CNTNAP5: variants seen among roughly 807,000 people sequenced by gnomAD.
The protein encoded by CNTNAP5 is contactin-associated protein-like 5.
Under a neutral mutation model 150.2 loss-of-function variants are expected in CNTNAP5, and 72 were observed. The ratio of observed to expected loss-of-function variants is 0.48; its 90% confidence interval spans 0.40 to 0.58. CNTNAP5 has a LOEUF of 0.58. Ranked by LOEUF, CNTNAP5 falls within the 20% of genes least tolerant of loss-of-function variation. CNTNAP5 has a pLI of 0.00. For synonymous variants in CNTNAP5, 672 were observed against 619.8 expected (o/e 1.08, Z -1.25); for missense variants, 1,636 against 1,626.2 (o/e 1.01, Z -0.10).
chr2:124,061,542 G>T (rs1458517016), intron 1 of CNTNAP5, among the ~76,000 whole-genome samples: 3 of 152,126 alleles, frequency 2.0e-5, no homozygotes, highest in African/African-American at 7.2e-5. Flanking sequence ...AGAAGACCAT[G>T]GGGAGGACAT....
rs2104771408 is a variant in CNTNAP5, at chr2:124,914,138, C to G, written c.3774C>G (p.Ile1258Met). 6.2e-7 allele frequency: 1 copy of G among 1,612,638 alleles called. No individual in the cohort carries two copies. The highest frequency in any genetic ancestry group is 1.1e-5 in the South Asian group (1 of 91,042). Residue 1258 changes from isoleucine to methionine, a missense_variant, in exon 24 of 24, where the codon ATC becomes ATG. Ile to Met is a conservative substitution (Grantham distance 10). Coordinates refer to ENST00000682447, the MANE Select transcript of CNTNAP5 (RefSeq NM_001367498.1). ...TCATCATCTTCTGTATCATCGGCAT[C>G]ATGACCCGGTTCCTCTACCAGCACA... ...VIFIIFCIIG[I>M]MTRFLYQHKQ...
chr2:124,660,440 T>C (rs1443133409), intron 13 of CNTNAP5, among the ~76,000 whole-genome samples: 1 of 152,182 alleles, frequency 6.6e-6, no homozygotes, highest in African/African-American at 2.4e-5. Context: ...AATGAAAATA[T>C]AGCACAAGCC....
chr2:124,786,352 G>GAAGAAAGAGAGA (rs1681572831), intron 17 of CNTNAP5, among the ~76,000 whole-genome samples: 1 of 59,156 alleles, frequency 1.7e-5, no homozygotes, highest in African/African-American at 7.3e-5. Flanking sequence ...AGAAAGAAAG[G>GAAGAAAGAGAGA]AAGAAAGAAA....
At chr2:124,581,870 C>T (rs1347060219) in intron 11 of CNTNAP5, among the ~76,000 whole-genome samples, 7 of 152,150 alleles carry the variant, frequency 4.6e-5, no homozygotes, top group Non-Finnish European at 2.9e-5. Flanking sequence ...TCTCCAAAAG[C>T]GGCCGTCATA....
intron 10 of CNTNAP5, among the ~76,000 whole-genome samples, chr2:124,529,163 G>A (rs568168811): frequency 4.0e-5 from 6 of 151,842 alleles, no homozygotes; most frequent in Admixed American, 2.0e-4. Context: ...TATTGCAGGC[G>A]ATGGTTGGCA....
At chr2:124,230,207 G>A (rs1686580502) in intron 2 of CNTNAP5, among the ~76,000 whole-genome samples, 1 of 152,072 alleles carries the variant, frequency 6.6e-6, no homozygotes, top group Non-Finnish European at 1.5e-5. Flanking sequence ...AATTGCTAAG[G>A]ACCCTAAAGG....
At chr2:124,509,376 CT>C (rs995422753) in intron 8 of CNTNAP5, among the ~76,000 whole-genome samples, 9 of 150,896 alleles carry the variant, frequency 6.0e-5, no homozygotes, top group Admixed American at 3.3e-4. Flanking sequence ...TTGTCATCTC[CT>C]TTTTTTTTGC....
chr2:124,836,476 A>G (rs1227301639), intron 19 of CNTNAP5, among the ~76,000 whole-genome samples: 1 of 152,080 alleles, frequency 6.6e-6, no homozygotes, highest in East Asian at 1.9e-4. Flanking sequence ...GGAATTGGGA[A>G]TGGTGATTTG....
chr2:124,089,083 A>G (rs540385044), intron 1 of CNTNAP5, among the ~76,000 whole-genome samples: 1 of 152,278 alleles, frequency 6.6e-6, no homozygotes, highest in South Asian at 2.1e-4. Context: ...AATGAGGGAA[A>G]AACAAAACTC....
At chr2:124,294,454 A>G (rs574267712) in intron 3 of CNTNAP5, among the ~76,000 whole-genome samples, 1 of 152,292 alleles carries the variant, frequency 6.6e-6, no homozygotes, top group African/African-American at 2.4e-5. Flanking sequence ...TGGTCTATAG[A>G]GTCCAGCCAT....
At chr2:124,458,495 C>T (rs1315723528) in intron 6 of CNTNAP5, among the ~76,000 whole-genome samples, 1 of 151,370 alleles carries the variant, frequency 6.6e-6, no homozygotes, top group Non-Finnish European at 1.5e-5. Context: ...GGGAAAGACA[C>T]CGTGGACTTT....
intron 11 of CNTNAP5, among the ~76,000 whole-genome samples, chr2:124,603,536 C>T (rs1357160937): frequency 1.3e-5 from 2 of 152,302 alleles, no homozygotes; most frequent in East Asian, 3.9e-4. Flanking sequence ...CTGGGCATTA[C>T]TAAAGGATGA....
At chr2:124,510,477 GTATATATATATA>G (rs70996072) in intron 8 of CNTNAP5, among the ~76,000 whole-genome samples, 55,730 of 103,068 alleles carry the variant, frequency 0.54, 13,686 homozygotes, top group Admixed American at 0.59. Flanking sequence ...TTATGTATGT[GTATATATATATA>G]TATATATATA....
intron 1 of CNTNAP5, among the ~76,000 whole-genome samples, chr2:124,097,832 T>C (rs1469593253): frequency 6.6e-6 from 1 of 152,018 alleles, no homozygotes; most frequent in East Asian, 1.9e-4. Flanking sequence ...ATCGAGACCA[T>C]CCTGGCTAAC....
intron 6 of CNTNAP5, among the ~76,000 whole-genome samples, chr2:124,473,904 G>T (rs187634445): frequency 3.5e-4 from 53 of 152,074 alleles, no homozygotes; most frequent in African/African-American, 1.1e-3. Flanking sequence ...GAAGAAAACC[G>T]CTAGTATCTC....
intron 13 of CNTNAP5, among the ~76,000 whole-genome samples, chr2:124,690,662 C>T (rs1679282836): frequency 6.6e-6 from 1 of 152,026 alleles, no homozygotes; most frequent in Admixed American, 6.6e-5. Context: ...ACCATCCAAG[C>T]TCTTTCTAGC....
chr2:124,665,561 A>G (rs1259710215), intron 13 of CNTNAP5, among the ~76,000 whole-genome samples: 2 of 152,188 alleles, frequency 1.3e-5, no homozygotes, highest in Non-Finnish European at 2.9e-5. Flanking sequence ...ACGTGTGGAT[A>G]AAACTGTCTC....
At chr2:124,878,976 C>A (rs180901104) in intron 21 of CNTNAP5, among the ~76,000 whole-genome samples, 5 of 152,176 alleles carry the variant, frequency 3.3e-5, no homozygotes, top group East Asian at 1.9e-4. Context: ...AGCCACCACA[C>A]CTGGCCAATA....
chr2:124,354,964 C>G (rs1386401025), intron 3 of CNTNAP5, among the ~76,000 whole-genome samples: 1 of 151,912 alleles, frequency 6.6e-6, no homozygotes, highest in Non-Finnish European at 1.5e-5. Flanking sequence ...GACTCTTGAA[C>G]CATGAGCTTG....
Sources: allele counts gnomAD v4.1 joint callset (sites outside exome capture counted in the v4.1 genomes callset), GRCh38; gene constraint gnomAD v4.1.1; transcripts MANE v1.5; gene names NCBI Gene and HGNC (gene_info 2026-07-23, HGNC 2026-07-21).